SHLD1: variants seen among roughly 807,000 people sequenced by gnomAD.
The protein encoded by SHLD1 is RINN1-REV7-interacting novel NHEJ regulator 3.
SHLD1 carries 3 observed loss-of-function variants against 5.5 expected under a neutral mutation model. The ratio of observed to expected loss-of-function variants is 0.54; its 90% CI spans 0.25 to 1.40. The LOEUF (loss-of-function observed/expected upper bound fraction) is 1.40, where lower values mean the gene tolerates loss of function less well. SHLD1 is among the 40% of genes most tolerant of loss of function. The pLI, the probability that SHLD1 is intolerant of heterozygous loss-of-function variation, is 0.15. For missense variants in SHLD1, 210 were observed against 244.4 expected (o/e 0.86, Z 0.94); for synonymous variants, 92 against 94.3 (o/e 0.98, Z 0.14).
chr20:5,782,554 T>G lies in SHLD1; in HGVS notation c.178+9511T>G, dbSNP rs553154163. The stretch of plus-strand genomic sequence containing the variant: ...CAGTGTCGGGGAAATTGGTTGCATG[T>G]AGACAGCAAATTGAATGTTAAACAC... On this transcript the variant is annotated intron_variant, in intron 2 of 2. Transcript: ENST00000303142. 5.3e-5 allele frequency among the ~76,000 whole-genome samples: 8 copies of G among 152,344 alleles called. No individual in the cohort carries two copies. In the South Asian group the frequency reaches 1.7e-3, roughly 32 times the overall value.
intron 2 of SHLD1, among the ~76,000 whole-genome samples, chr20:5,848,838 C>T (rs1230834531): frequency 2.0e-5 from 3 of 152,104 alleles, no homozygotes; most frequent in South Asian, 2.1e-4. Context: ...TAGAGGACCG[C>T]GTCCTCTGCT....
At position 5,806,217 on chromosome 20, in the gene SHLD1, T is replaced by C. The variant is rs984344562; in HGVS notation, c.178+33174T>C. ...TTTATCTGTTTTATGGGGACAATAA[T>C]ATCTACCTGATGGGTGGACACATAG... On this transcript the variant is annotated intron_variant, in intron 2 of 2. Coordinates refer to ENST00000303142, the MANE Select transcript of SHLD1 (RefSeq NM_152504.4). The surrounding 1 kb of genome is among the most constrained non-coding windows in gnomAD (Gnocchi z 7.6). Among the ~76,000 whole-genome samples, 5 of 152,316 alleles carry C rather than the reference T, an allele frequency of 3.3e-5. No individual in the cohort carries two copies. In the East Asian group the frequency reaches 9.6e-4, roughly 29 times the overall value.
At chr20:5,845,147 C>T (rs540294005) in intron 2 of SHLD1, among the ~76,000 whole-genome samples, 13 of 152,230 alleles carry the variant, frequency 8.5e-5, no homozygotes, top group African/African-American at 2.4e-4. Context: ...AAATCCCAGA[C>T]GTTAAAGAAC....
chr20:5,838,754 G>T (rs1313751945), intron 2 of SHLD1, among the ~76,000 whole-genome samples: 1 of 152,104 alleles, frequency 6.6e-6, no homozygotes, highest in Non-Finnish European at 1.5e-5. Context: ...CTCCAGCCTG[G>T]GTGACGGAGC....
At chr20:5,817,430 C>CTGTGTGTGTGTGTG in intron 2 of SHLD1, among the ~76,000 whole-genome samples, 2 of 99,576 alleles carry the variant, frequency 2.0e-5, no homozygotes, top group South Asian at 3.2e-4. Flanking sequence ...CTCTCTCTCT[C>CTGTGTGTGTGTGTG]TCTGTGTGTG....
chr20:5,763,760 C>T lies in SHLD1; in HGVS notation c.-4-9102C>T, dbSNP rs1230447564. On this transcript the variant is annotated intron_variant, in intron 1 of 2. Coordinates refer to ENST00000303142, the MANE Select transcript of SHLD1 (RefSeq NM_152504.4). ...AAAGTCAGCAAAATAAACTTCTAAACTGATTGAGACCTGTCTCAGATACTT... is the reference window on the plus strand; with the variant it reads ...AAAGTCAGCAAAATAAACTTCTAAATTGATTGAGACCTGTCTCAGATACTT... 2.6e-5 allele frequency among the ~76,000 whole-genome samples: 4 copies of T among 152,052 alleles called. No individual in the cohort carries two copies. In the East Asian group the frequency reaches 7.7e-4, roughly 29 times the overall value.
chr20:5,798,457 C>A (rs1221487621), intron 2 of SHLD1, among the ~76,000 whole-genome samples: 4 of 151,520 alleles, frequency 2.6e-5, no homozygotes, highest in Non-Finnish European at 4.4e-5. Context: ...CGCCTGCCAC[C>A]ATGTCTGGCT....
At chr20:5,836,492 A>G (rs2087790722) in intron 2 of SHLD1, among the ~76,000 whole-genome samples, 1 of 152,148 alleles carries the variant, frequency 6.6e-6, no homozygotes, top group African/African-American at 2.4e-5. Context: ...CCTTGCTCCC[A>G]TGGCTCTAGC....
At chr20:5,804,464 C>A (rs754753756) in intron 2 of SHLD1, among the ~76,000 whole-genome samples, 4 of 151,598 alleles carry the variant, frequency 2.6e-5, no homozygotes, top group Non-Finnish European at 5.9e-5. Flanking sequence ...TTTACATGAC[C>A]TTGTGGCACC....
Position 5,787,883 on chromosome 20 carries a change from T to C in SHLD1, c.178+14840T>C, listed in dbSNP as rs1173093177. 2.0e-5 allele frequency among the ~76,000 whole-genome samples: 3 copies of C among 152,240 alleles called. No homozygotes were observed. In the East Asian group the frequency reaches 5.8e-4, roughly 29 times the overall value. Reference sequence around the variant, plus strand: ...AAAGCATATATTATTACATAAGCCCTGCAGATTTGTTTAACTCTTGACTAG... The same window carrying C: ...AAAGCATATATTATTACATAAGCCCCGCAGATTTGTTTAACTCTTGACTAG... On this transcript the variant is annotated intron_variant, in intron 2 of 2. Transcript: ENST00000303142.
At chr20:5,756,276 C>A (rs1055305344) in intron 1 of SHLD1, among the ~76,000 whole-genome samples, 1 of 151,620 alleles carries the variant, frequency 6.6e-6, no homozygotes, top group East Asian at 1.9e-4. Flanking sequence ...TATAGTGAGA[C>A]CCCCATCTTT....
At chr20:5,825,446 T>C (rs1351287206) in intron 2 of SHLD1, among the ~76,000 whole-genome samples, 1 of 152,180 alleles carries the variant, frequency 6.6e-6, no homozygotes, top group African/African-American at 2.4e-5. Flanking sequence ...AATACATAGG[T>C]CTGACTAGGG....
At chr20:5,824,739 C>T (rs2087647046) in intron 2 of SHLD1, among the ~76,000 whole-genome samples, 1 of 151,872 alleles carries the variant, frequency 6.6e-6, no homozygotes, top group African/African-American at 2.4e-5. Flanking sequence ...ACAAAATCTC[C>T]AATTTTCTGT....
In SHLD1 at chr20:5,855,122, C is replaced by T. The variant is rs1387670316; in HGVS notation, c.179-7902C>T. ...CAAACTCCTGGCTTCAAGTGATCCT[C>T]CTGCCTTGGCCTCCTAAAGTGCTGG... On this transcript the variant is annotated intron_variant, in intron 2 of 2. Transcript: ENST00000303142. This position sits in a 1 kb window ranked among gnomAD's most constrained non-coding sequence, Gnocchi z 4.4. Among the ~76,000 whole-genome samples the T allele has an allele frequency of 6.6e-6, 1 of 151,956 alleles. No individual in the cohort carries two copies.
intron 1 of SHLD1, among the ~76,000 whole-genome samples, chr20:5,760,978 G>A (rs1241775172): frequency 6.6e-6 from 1 of 151,932 alleles, no homozygotes; most frequent in Non-Finnish European, 1.5e-5. Context: ...AAAGGGGTGT[G>A]ATGAAAGGAC....
At chr20:5,808,908 ATAT>A (rs2087420801) in intron 2 of SHLD1, among the ~76,000 whole-genome samples, 1 of 152,190 alleles carries the variant, frequency 6.6e-6, no homozygotes, top group Admixed American at 6.6e-5. Context: ...AGTTGGGTTA[ATAT>A]TATCGGTTAG....
intron 1 of SHLD1, among the ~76,000 whole-genome samples, chr20:5,763,370 C>T (rs1396348612): frequency 3.3e-5 from 5 of 151,812 alleles, no homozygotes; most frequent in African/African-American, 1.2e-4. Flanking sequence ...AAGTCAGGAC[C>T]CCAGTTGACT....
chr20:5,774,365 A>G (rs1020779909), intron 2 of SHLD1, among the ~76,000 whole-genome samples: 2 of 152,226 alleles, frequency 1.3e-5, no homozygotes, highest in African/African-American at 4.8e-5. Flanking sequence ...CAAGAATTCT[A>G]TGGAGAAATA....
intron 1 of SHLD1, among the ~76,000 whole-genome samples, chr20:5,753,367 C>G (rs1023260605): frequency 5.9e-5 from 9 of 152,000 alleles, no homozygotes; most frequent in Admixed American, 2.0e-4. Context: ...GAGTCGAACT[C>G]CTGGTCTCAA....
Sources: gnomAD v4.1 joint callset for allele counts (sites outside exome capture counted in the v4.1 genomes callset) on GRCh38, gnomAD v4.1.1 for gene constraint, Gnocchi (gnomAD v3.1) non-coding constraint, MANE v1.5 for transcripts, NCBI Gene and HGNC (gene_info 2026-07-23, HGNC 2026-07-21) for gene names.